DNA2: variants seen among roughly 807,000 people sequenced by gnomAD.
The protein encoded by DNA2 is DNA replication helicase/nuclease 2.
DNA2 carries 101 observed loss-of-function variants against 119.1 expected under a neutral mutation model. The observed-to-expected ratio is 0.85, with a 90% CI of 0.72 to 1.00. DNA2 has a LOEUF of 1.00. Ranked by LOEUF, DNA2 falls within the 50% of genes least tolerant of loss-of-function variation. DNA2 has a pLI of 0.00. For missense variants in DNA2, 1,121 were observed against 1,255.5 expected (o/e 0.89, Z 1.62); for synonymous variants, 366 against 424.4 (o/e 0.86, Z 1.69).
intron 6 of DNA2, among the ~76,000 whole-genome samples, chr10:68,448,980 T>TGCGCGC (rs377639929): frequency 7.0e-5 from 10 of 142,116 alleles, no homozygotes; most frequent in African/African-American, 3.0e-4. Flanking sequence ...TGTGTGTGTG[T>TGCGCGC]GTGTGTAGTA....
In DNA2 at chr10:68,416,710, A is replaced by G. The variant is rs762843376; in HGVS notation, c.3113T>C (p.Leu1038Ser). ...CCATATACAGAAGAAAAAGGATATTAATTTTTCTGAGTTTAAATGATTAAG... is the reference window on the plus strand; with the variant it reads ...CCATATACAGAAGAAAAAGGATATTGATTTTTCTGAGTTTAAATGATTAAG... ...KLLNHLNSEK[L>S]IIDLPSREHE... The change falls in exon 20 of 21, where the codon TTA (leucine) becomes TCA (serine). Residue 1038 changes from leucine (L) to serine (S), a missense_variant and splice_region_variant. Transcript: ENST00000358410. 1.2e-6 allele frequency: 2 copies of G among 1,611,646 alleles called. No individual in the cohort carries two copies. The highest frequency in any genetic ancestry group is 1.1e-5 in the South Asian group (1 of 91,020).
intron 7 of DNA2, 90 bp from the exon 8 acceptor site, chr10:68,445,173 AAC>A (rs2052022022): frequency 1.3e-5 from 16 of 1,242,072 alleles, no homozygotes; most frequent in Non-Finnish European, 1.7e-5. Flanking sequence ...CAGATTTAAA[AAC>A]ATTTTAGGGC....
chr10:68,416,649 G>T, intron 20 of DNA2, 60 bp downstream of exon 20: 1 of 1,512,128 alleles, frequency 6.6e-7, no homozygotes, highest in Non-Finnish European at 9.1e-7. Context: ...ATTTAAACAA[G>T]CAAATAAATA....
chr10:68,444,112 C>T (rs1413941661), intron 8 of DNA2, among the ~76,000 whole-genome samples: 1 of 152,080 alleles, frequency 6.6e-6, no homozygotes, highest in Non-Finnish European at 1.5e-5. Context: ...CAAAAAATTG[C>T]TGGGCGCAGT....
intron 6 of DNA2, among the ~76,000 whole-genome samples, chr10:68,447,516 C>CAA (rs1165549043): frequency 0.15 from 7,976 of 54,394 alleles, 615 homozygotes; most frequent in East Asian, 0.31. Context: ...GACTTCACCT[C>CAA]AAAAAAAAAA....
intron 20 of DNA2, 61 bp downstream of exon 20, chr10:68,416,648 A>C: frequency 6.6e-7 from 1 of 1,517,172 alleles, no homozygotes; most frequent in Non-Finnish European, 9.1e-7. Flanking sequence ...AATTTAAACA[A>C]GCAAATAAAT....
At chr10:68,427,482 A>G (rs919800134) in intron 14 of DNA2, among the ~76,000 whole-genome samples, 8 of 150,924 alleles carry the variant, frequency 5.3e-5, no homozygotes, top group African/African-American at 1.9e-4. Flanking sequence ...TGGACAACAT[A>G]AAAAAATTGA....
chr10:68,451,963 A>T (rs1590068105), intron 5 of DNA2, among the ~76,000 whole-genome samples: 1 of 125,428 alleles, frequency 8.0e-6, no homozygotes, highest in African/African-American at 2.9e-5. Flanking sequence ...AATTTTTTAT[A>T]AAAAAAAAAC....
chr10:68,447,759 G>A (rs547636973), intron 6 of DNA2, among the ~76,000 whole-genome samples: 216 of 151,384 alleles, frequency 1.4e-3, no homozygotes, highest in African/African-American at 5.0e-3. Context: ...CGAGGCGGGC[G>A]GATCATGAGG....
At chr10:68,447,401 C>T (rs918304211) in intron 6 of DNA2, among the ~76,000 whole-genome samples, 2 of 150,624 alleles carry the variant, frequency 1.3e-5, no homozygotes, top group African/African-American at 4.9e-5. Flanking sequence ...GCTTGTAATC[C>T]AGCTACTTGA....
chr10:68,470,564 C>A (rs961985177), intron 1 of DNA2: 2 of 448,870 alleles, frequency 4.5e-6, no homozygotes, highest in Admixed American at 2.5e-5. Flanking sequence ...CAGTGAGATA[C>A]GATCATGCTA....
intron 1 of DNA2, among the ~76,000 whole-genome samples, chr10:68,470,851 G>A (rs2052374946): frequency 6.6e-6 from 1 of 152,200 alleles, no homozygotes; most frequent in South Asian, 2.1e-4. Flanking sequence ...AAGTAATGCC[G>A]GAAATCTTTC....
chr10:68,421,939 T>C lies in DNA2; in HGVS notation c.2697+286A>G, dbSNP rs375518131. On this transcript the variant is annotated intron_variant, in intron 17 of 20. Transcript: ENST00000358410. ...AAGCAATTCTCATGCCTCAGCCTCC[T>C]GAGTAGCTGGGATTACAGGCACCCA... is the stretch of plus-strand genomic sequence containing the variant. Among the ~76,000 whole-genome samples the C allele has an allele frequency of 3.3e-5, 5 of 152,006 alleles. No individual in the cohort carries two copies. In the East Asian group the frequency reaches 5.9e-4, roughly 18 times the overall value.
chr10:68,424,591 G>A (rs1308357515), intron 14 of DNA2: 6 of 1,179,722 alleles, frequency 5.1e-6, no homozygotes, highest in East Asian at 4.7e-5. Context: ...AACTTGGACC[G>A]CAGCAAAAAC....
chr10:68,434,472 AC>A (rs11317416), intron 10 of DNA2, among the ~76,000 whole-genome samples: 46,898 of 150,696 alleles, frequency 0.31, 8,842 homozygotes, highest in African/African-American at 0.52. Context: ...ACGTAGTGAG[AC>A]CCCCCCCATC....
chr10:68,448,980 T>TGTGTAGTAGTTTCACCATGTTGC (rs2052081631), intron 6 of DNA2, among the ~76,000 whole-genome samples: 1 of 142,116 alleles, frequency 7.0e-6, no homozygotes, highest in African/African-American at 3.0e-5. Context: ...TGTGTGTGTG[T>TGTGTAGTAGTTTCACCATGTTGC]GTGTGTAGTA....
At chr10:68,452,797 T>TGATCTC (rs2052137233) in intron 5 of DNA2, among the ~76,000 whole-genome samples, 1 of 147,254 alleles carries the variant, frequency 6.8e-6, no homozygotes, top group Non-Finnish European at 1.5e-5. Context: ...TTTCCCAGGC[T>TGATCTC]GATCTCGAAC....
intron 10 of DNA2, among the ~76,000 whole-genome samples, chr10:68,436,426 G>T (rs77811164): frequency 0.056 from 8,525 of 152,244 alleles, 493 homozygotes; most frequent in South Asian, 0.19. Context: ...AGGGAGGAGA[G>T]AGTGGGAAGT....
At chr10:68,425,376 G>A (rs1156479243) in intron 14 of DNA2, among the ~76,000 whole-genome samples, 1 of 150,922 alleles carries the variant, frequency 6.6e-6, no homozygotes, top group African/African-American at 2.4e-5. Flanking sequence ...TTACAGGCAT[G>A]AGCCACTGGG....
Sources: gnomAD v4.1 joint callset for allele counts (sites outside exome capture counted in the v4.1 genomes callset) on GRCh38, gnomAD v4.1.1 for gene constraint, MANE v1.5 for transcripts, NCBI Gene and HGNC (gene_info 2026-07-23, HGNC 2026-07-21) for gene names.